ANKRD31: variants seen among roughly 807,000 people sequenced by gnomAD.
The protein encoded by ANKRD31 is ankyrin repeat domain-containing protein 31.
Under a neutral mutation model 186.0 loss-of-function variants are expected in ANKRD31, and 147 were observed. That is an observed-to-expected ratio of 0.79 (90% CI 0.69 to 0.91). ANKRD31 has a LOEUF of 0.91. Among genes scored for constraint, ANKRD31 ranks in the 40% least tolerant of loss-of-function variants. The pLI, the probability that ANKRD31 is intolerant of heterozygous loss-of-function variation, is 0.00. For missense variants in ANKRD31, 1,986 were observed against 2,148.8 expected (o/e 0.92, Z 1.50); for synonymous variants, 673 against 736.4 (o/e 0.91, Z 1.39).
At chr5:75,214,388 G>GAA (rs970269867) in intron 3 of ANKRD31, among the ~76,000 whole-genome samples, 4 of 152,168 alleles carry the variant, frequency 2.6e-5, no homozygotes, top group Non-Finnish European at 4.4e-5. Flanking sequence ...AAAGAGCCAG[G>GAA]AAAAGTATAC....
chr5:75,104,691 GT>G lies in ANKRD31; in HGVS notation c.4867del (p.Thr1623GlnfsTer16). ...TEYSQKENDLTEATDKDHEFY... is the reference protein window; with the variant it reads ...TEYSQKENDLXEATDKDHEFY... ...TTCATGGTCTTTGTCTGTAGCTTCT[GT>G]AAGATCATTCTCTTTCTGTGAATAT... On this transcript the variant is annotated frameshift_variant, in exon 22 of 26. Transcript: ENST00000506364. LOFTEE classifies it high-confidence loss of function. The G allele has an allele frequency of 6.5e-7, 1 of 1,536,362 alleles. No individual in the cohort carries two copies. Among genetic ancestry groups the G allele is most frequent in the Non-Finnish European group, 8.7e-7 (1 of 1,146,634 alleles).
At chr5:75,134,125 ACAT>A (rs1348625636) in intron 17 of ANKRD31, among the ~76,000 whole-genome samples, 4 of 152,066 alleles carry the variant, frequency 2.6e-5, no homozygotes, top group Admixed American at 2.6e-4. Context: ...AAGAGCAAAC[ACAT>A]TCAAAAGCTA....
At chr5:75,217,412 G>T (rs771029349) in intron 3 of ANKRD31, among the ~76,000 whole-genome samples, 1 of 152,158 alleles carries the variant, frequency 6.6e-6, no homozygotes, top group Non-Finnish European at 1.5e-5. Context: ...CCTGAGTTGG[G>T]TGCATACAGA....
intron 17 of ANKRD31, among the ~76,000 whole-genome samples, chr5:75,129,686 G>A (rs1201950686): frequency 1.3e-5 from 2 of 152,140 alleles, no homozygotes; most frequent in African/African-American, 2.4e-5. Context: ...GGCTGAATAG[G>A]AAAAGCTCCA....
chr5:75,097,422 AT>A, intron 22 of ANKRD31, among the ~76,000 whole-genome samples: 1 of 152,088 alleles, frequency 6.6e-6, no homozygotes, highest in East Asian at 1.9e-4. Flanking sequence ...GATGATGAGC[AT>A]TTTTTCATGT....
rs1430791727 is a variant in ANKRD31 at position 75,140,261 on chromosome 5, AGGAAGGAAAG to A, written c.3596-1288_3596-1279del. On this transcript the variant is annotated intron_variant, in intron 15 of 25. Transcript: ENST00000506364. ...AAGGAAGGAAGGAAGGAAGGAAGGA[AGGAAGGAAAG>A]AGAGAGAGAGAAAGAAAGGAAGGAA... Among the ~76,000 whole-genome samples, 5 of 40,982 alleles carry A rather than the reference AGGAAGGAAAG, an allele frequency of 1.2e-4. No individual in the cohort carries two copies. In the African/African-American group the frequency reaches 2.6e-3, roughly 22 times the overall value. 26.9% of individuals were successfully genotyped at this position (40,982 alleles called of 152,430 possible). A position where few individuals can be genotyped will look rare whatever the true frequency, so the allele number is the denominator to read the frequency against.
At chr5:75,141,204 T>C (rs1470129820) in intron 15 of ANKRD31, among the ~76,000 whole-genome samples, 1 of 152,166 alleles carries the variant, frequency 6.6e-6, no homozygotes, top group Non-Finnish European at 1.5e-5. Context: ...CTCTAAAAAA[T>C]GGATTCTTGG....
chr5:75,171,896 G>C (rs1255054572), intron 10 of ANKRD31, among the ~76,000 whole-genome samples: 2 of 150,070 alleles, frequency 1.3e-5, no homozygotes, highest in African/African-American at 4.9e-5. Context: ...TCAGAAAATA[G>C]AAGAGGTGAG....
Position 75,107,511 on chromosome 5 carries a change from T to C in ANKRD31, c.4340+10A>G. The C allele has an allele frequency of 6.7e-7, 1 of 1,485,886 alleles. No individual in the cohort carries two copies. The highest frequency in any genetic ancestry group is 9.0e-7 in the Non-Finnish European group (1 of 1,114,834). The allele number at this position is 1,485,886 out of a possible 1,614,324, so 92.0% of individuals were successfully genotyped here. On this transcript the variant is annotated intron_variant, in intron 21 of 25. Coordinates refer to ENST00000506364, the MANE Select transcript of ANKRD31 (RefSeq NM_001372053.1). ...TCAAAAGCACTCTTTTTTTTTCTTT[T>C]TCTACTCACCTGTATTTTTTAGCCA...
At chr5:75,169,777 TCA>T (rs1753187031) in intron 10 of ANKRD31, among the ~76,000 whole-genome samples, 1 of 152,190 alleles carries the variant, frequency 6.6e-6, no homozygotes, top group African/African-American at 2.4e-5. Context: ...CTCAGAACAC[TCA>T]TCATAAAATA....
intron 4 of ANKRD31, among the ~76,000 whole-genome samples, chr5:75,209,376 T>C (rs950644660): frequency 6.6e-5 from 10 of 152,148 alleles, no homozygotes; most frequent in African/African-American, 2.2e-4. Flanking sequence ...ACAGGTGTTT[T>C]ACTCAAGATA....
chr5:75,139,245 T>A (rs950877507), intron 15 of ANKRD31, among the ~76,000 whole-genome samples: 15 of 152,180 alleles, frequency 9.9e-5, no homozygotes, highest in African/African-American at 3.6e-4. Context: ...TTGCTTCAGT[T>A]CTATCTATAC....
At chr5:75,218,287 C>T (rs190930836) in intron 3 of ANKRD31, among the ~76,000 whole-genome samples, 42 of 152,188 alleles carry the variant, frequency 2.8e-4, no homozygotes, top group Admixed American at 2.6e-3. Flanking sequence ...CACAAAAATG[C>T]AAACAGCCAT....
intron 18 of ANKRD31, among the ~76,000 whole-genome samples, chr5:75,117,900 G>C (rs1283675823): frequency 6.6e-6 from 1 of 152,080 alleles, no homozygotes; most frequent in Non-Finnish European, 1.5e-5. Flanking sequence ...TTTGCTTGAT[G>C]AATGCTATAG....
intron 22 of ANKRD31, among the ~76,000 whole-genome samples, chr5:75,093,500 C>CA (rs1258104808): frequency 2.7e-5 from 4 of 150,558 alleles, no homozygotes; most frequent in Non-Finnish European, 4.4e-5. Context: ...ACAACAACAA[C>CA]AAAAAAAACT....
At chr5:75,214,994 G>A (rs1561543100) in intron 3 of ANKRD31, among the ~76,000 whole-genome samples, 2 of 152,152 alleles carry the variant, frequency 1.3e-5, no homozygotes, top group Admixed American at 6.6e-5. Context: ...ATGGAAACTG[G>A]CAAGTGCAAA....
At chr5:75,141,725 C>T (rs975158525) in intron 15 of ANKRD31, among the ~76,000 whole-genome samples, 1 of 151,774 alleles carries the variant, frequency 6.6e-6, no homozygotes, top group African/African-American at 2.4e-5. Flanking sequence ...ATCATGTGAG[C>T]CTGGGAGGTC....
intron 24 of ANKRD31, among the ~76,000 whole-genome samples, chr5:75,082,817 A>T (rs1745185926): frequency 6.6e-6 from 1 of 152,224 alleles, no homozygotes; most frequent in African/African-American, 2.4e-5. Context: ...TGCTAGAATT[A>T]ACTAAGGTTA....
chr5:75,204,695 T>C (rs1471517545), intron 5 of ANKRD31, among the ~76,000 whole-genome samples: 3 of 152,186 alleles, frequency 2.0e-5, no homozygotes, highest in Non-Finnish European at 2.9e-5. Context: ...CCCCACTTTA[T>C]ATGTTTTATG....
Sources: gnomAD v4.1 joint callset for allele counts (sites outside exome capture counted in the v4.1 genomes callset) on GRCh38, gnomAD v4.1.1 for gene constraint, MANE v1.5 for transcripts, NCBI Gene and HGNC (gene_info 2026-07-23, HGNC 2026-07-21) for gene names.